The following SPG7 variants were observed in gnomAD, a reference collection of about 807,000 sequenced individuals.
SPG7 encodes mitochondrial inner membrane m-AAA protease component paraplegin.
A neutral mutation model predicts 81.9 loss-of-function variants in SPG7; 103 were observed. The ratio of observed to expected loss-of-function variants is 1.26; its 90% CI spans 1.07 to 1.48. SPG7 has a LOEUF of 1.48. SPG7 is among the 40% of genes most tolerant of loss of function. The pLI is 0.00. For synonymous variants in SPG7, 534 were observed against 444.2 expected (o/e 1.20, Z -2.54); for missense variants, 1,241 against 1,087.3 (o/e 1.14, Z -1.99).
intron 3 of SPG7, chr16:89,521,405 A>C (rs1443220126): frequency 2.6e-5 from 4 of 152,258 alleles, no homozygotes; most frequent in Non-Finnish European, 4.4e-5. Flanking sequence ...TGACGAAAGC[A>C]GAAGAGGTGT....
intron 7 of SPG7, 28 bp from the exon 8 acceptor site, chr16:89,531,876 T>A (rs376387153): frequency 6.2e-7 from 1 of 1,613,326 alleles, no homozygotes. Context: ...CCCAAGTAGT[T>A]AGTGTTGCAT....
intron 12 of SPG7, chr16:89,549,261 C>T (rs531579176): frequency 2.0e-5 from 9 of 456,854 alleles, no homozygotes; most frequent in African/African-American, 1.6e-4. Flanking sequence ...CTCAGGACCA[C>T]GAGCTGATTC....
At chr16:89,518,937 C>G (rs2058144437) in intron 3 of SPG7, 1 of 152,060 alleles carries the variant, frequency 6.6e-6, no homozygotes, top group South Asian at 2.1e-4. Context: ...TGAGATGGAA[C>G]CCCTGGAAGC....
At chr16:89,541,809 C>G (rs895293753) in intron 9 of SPG7, 2 of 152,226 alleles carry the variant, frequency 1.3e-5, no homozygotes, top group Admixed American at 1.3e-4. Flanking sequence ...ACCGCATGTC[C>G]CTGACACATA....
chr16:89,552,497 C>T (rs946252174), intron 13 of SPG7: 13 of 197,312 alleles, frequency 6.6e-5, no homozygotes, highest in South Asian at 2.6e-4. Flanking sequence ...TCAGCGGTTC[C>T]GTGTTGTCGA....
intron 9 of SPG7, chr16:89,543,332 A>G (rs1402525069): frequency 1.6e-5 from 2 of 121,436 alleles, no homozygotes; most frequent in South Asian, 2.8e-4. Context: ...AACACTGTTT[A>G]TTGTGGACCT....
rs2058696356 is a variant in SPG7 at position 89,557,198 on chromosome 16, C to T, written c.*105C>T. ...GGTTTGCACTTCCTCTCGCGGCCCT[C>T]AGTAGTCCCTGCACAGTGACTTCTG... On this transcript the variant is annotated 3_prime_UTR_variant, in exon 17 of 17. Transcript: ENST00000645818. 2.6e-6 allele frequency: 2 copies of T among 755,450 alleles called. No homozygotes were observed. Among genetic ancestry groups the T allele is most frequent in the Non-Finnish European group, 2.3e-6 (1 of 435,636 alleles). 46.8% of individuals were successfully genotyped at this position (755,450 alleles called of 1,614,324 possible).
At chr16:89,548,446 G>A (rs1037325546) in intron 12 of SPG7, 1 of 334,942 alleles carries the variant, frequency 3.0e-6, no homozygotes, top group Non-Finnish European at 5.7e-6. Flanking sequence ...GGTGGGCTCA[G>A]CCTAGCCCCA....
chr16:89,546,971 G>A, intron 11 of SPG7: 1 of 554,902 alleles, frequency 1.8e-6, no homozygotes, highest in Non-Finnish European at 3.3e-6. Context: ...CCCCGGGGTG[G>A]AAAAGCAGAC....
At chr16:89,528,187 G>A (rs1160646032) in intron 5 of SPG7, among the ~76,000 whole-genome samples, 1 of 151,710 alleles carries the variant, frequency 6.6e-6, no homozygotes, top group Non-Finnish European at 1.5e-5. Context: ...TCAGGAGGTC[G>A]AGACCATCCT....
Position 89,524,205 on chromosome 16 carries a change from G to A in SPG7, c.576G>A (p.Val192=). 2.5e-6 allele frequency: 4 copies of A among 1,613,638 alleles called. No homozygotes were observed. The highest frequency in any genetic ancestry group is 1.7e-6 in the Non-Finnish European group (2 of 1,179,954). Residue 192 remains valine (V), a synonymous_variant, in exon 4 of 17, where the codon GTG becomes GTA. Transcript: ENST00000645818. ...AGGTGGTGCCTGAGAGCGACGTGGT[G>A]GAAGTCTACCTGCACCCTGGAGCCG... is the stretch of plus-strand genomic sequence containing the variant. ...RVQVVPESDV[V]EVYLHPGAVV...
chr16:89,545,808 G>C (rs2058556787), intron 10 of SPG7: 1 of 384,334 alleles, frequency 2.6e-6, no homozygotes, highest in South Asian at 1.9e-5. Flanking sequence ...TGTGTGACGT[G>C]CTTCATTAGC....
At chr16:89,540,818 C>A in intron 9 of SPG7, 1 of 871,362 alleles carries the variant, frequency 1.1e-6, no homozygotes, top group Non-Finnish European at 1.4e-6. Flanking sequence ...CCCAGGAAAG[C>A]AAAGACTTAG....
intron 10 of SPG7, chr16:89,545,627 C>T: frequency 8.1e-6 from 2 of 247,078 alleles, no homozygotes; most frequent in South Asian, 7.5e-5. Flanking sequence ...GACACTGTTT[C>T]TCCAGGGGAT....
intron 12 of SPG7, chr16:89,549,618 T>G: frequency 4.3e-6 from 1 of 232,412 alleles, no homozygotes; most frequent in South Asian, 5.5e-5. Flanking sequence ...CAGTGAGCCG[T>G]GATCGCACCA....
intron 9 of SPG7, chr16:89,543,272 G>C (rs1201915456): frequency 6.7e-6 from 1 of 148,434 alleles, no homozygotes; most frequent in Non-Finnish European, 1.5e-5. Context: ...ATTAGTCACG[G>C]GTCCTGTTCT....
chr16:89,510,415 G>A (rs746537685), intron 1 of SPG7, 75 bp from the exon 2 acceptor site: 31 of 900,862 alleles, frequency 3.4e-5, no homozygotes, highest in African/African-American at 2.8e-4. Flanking sequence ...TTTTAAAAAC[G>A]ATTTTTAGTC....
chr16:89,513,795 T>G (rs2058053902), intron 3 of SPG7, among the ~76,000 whole-genome samples: 1 of 152,234 alleles, frequency 6.6e-6, no homozygotes, highest in South Asian at 2.1e-4. Context: ...AGAGCTCATC[T>G]TTCTAGAAAG....
intron 1 of SPG7, chr16:89,509,106 C>T (rs1313607385): frequency 1.0e-5 from 4 of 385,382 alleles, no homozygotes; most frequent in Admixed American, 2.8e-5. Flanking sequence ...CATTGAGCAC[C>T]CCCTGTAGTG....
Sources: allele counts gnomAD v4.1 joint callset (sites outside exome capture counted in the v4.1 genomes callset), GRCh38; gene constraint gnomAD v4.1.1; transcripts MANE v1.5; gene names NCBI Gene and HGNC (gene_info 2026-07-23, HGNC 2026-07-21).